The following PTPN11 variants were observed in gnomAD, a reference collection of about 807,000 sequenced individuals.
The protein encoded by PTPN11 is protein tyrosine phosphatase non-receptor type 11.
PTPN11 carries 6 observed loss-of-function variants against 78.8 expected under a neutral mutation model. The observed-to-expected ratio is 0.08, with a 90% confidence interval of 0.04 to 0.15. PTPN11 has a LOEUF of 0.15. Ranked by LOEUF, PTPN11 falls within the 10% of genes least tolerant of loss-of-function variation. The probability of loss-of-function intolerance (pLI) is 1.00; values close to 1 mark genes in which losing one functional copy is unlikely to be tolerated. For missense variants in PTPN11, 386 were observed against 744.8 expected, an observed-to-expected ratio of 0.52 and a Z score of 5.61; for synonymous variants, 221 against 263.5, an observed-to-expected ratio of 0.84 and a Z score of 1.56.
intron 7 of PTPN11, among the ~76,000 whole-genome samples, chr12:112,474,123 C>T (rs1326279121): frequency 3.3e-5 from 5 of 152,052 alleles, no homozygotes; most frequent in Non-Finnish European, 2.9e-5. Context: ...CCGAGGTGGG[C>T]GGATCACCTG....
rs1452395101 is a variant in PTPN11 at position 112,504,199 on chromosome 12, T to C, written c.1713-496T>C. Among the ~76,000 whole-genome samples the C allele has an allele frequency of 2.0e-5, 3 of 152,098 alleles. No individual in the cohort carries two copies. Among genetic ancestry groups the C allele is most frequent in the Non-Finnish European group, 2.9e-5 (2 of 67,984 alleles). On this transcript the variant is annotated intron_variant, in intron 14 of 15. Coordinates refer to ENST00000351677, the MANE Select transcript of PTPN11 (RefSeq NM_002834.5). This position sits in a 1 kb window ranked among gnomAD's most constrained non-coding sequence, Gnocchi z 4.7. ...CCAGGACTTGAGGCTTTTATTGCACTTCTGTTGTTTTTTTGAGATGGAGTC... is the reference window on the plus strand; with the variant it reads ...CCAGGACTTGAGGCTTTTATTGCACCTCTGTTGTTTTTTTGAGATGGAGTC...
chr12:112,467,486 G>A (rs576878054), intron 6 of PTPN11, among the ~76,000 whole-genome samples: 16 of 152,096 alleles, frequency 1.1e-4, no homozygotes, highest in East Asian at 7.7e-4. Flanking sequence ...TGGGAGCCAC[G>A]CTCTTTTTTT....
chr12:112,445,116 G>C (rs1453944769), intron 1 of PTPN11, among the ~76,000 whole-genome samples: 6 of 151,852 alleles, frequency 4.0e-5, no homozygotes, highest in Non-Finnish European at 8.8e-5. Flanking sequence ...CACATACCCC[G>C]AAGCATGTAT....
chr12:112,473,437 G>T (rs1341172712), intron 7 of PTPN11, among the ~76,000 whole-genome samples: 1 of 152,102 alleles, frequency 6.6e-6, no homozygotes, highest in Non-Finnish European at 1.5e-5. Context: ...CTGGGACTCA[G>T]TTCCCTTAAG....
intron 2 of PTPN11, among the ~76,000 whole-genome samples, chr12:112,447,217 T>A (rs993499052): frequency 6.6e-6 from 1 of 152,136 alleles, no homozygotes; most frequent in Non-Finnish European, 1.5e-5. Flanking sequence ...TTTCTTCAGA[T>A]CACTTTCCTT....
At position 112,504,572 on chromosome 12, in the gene PTPN11, G is replaced by A; in HGVS notation, c.1713-123G>A. 9.4e-6 allele frequency: 7 copies of A among 742,548 alleles called. No homozygotes were observed. Among genetic ancestry groups the A allele is most frequent in the Non-Finnish European group, 1.4e-5 (6 of 419,724 alleles). The allele number at this position is 742,548 out of a possible 1,614,324, so 46.0% of individuals were successfully genotyped here. Reference sequence around the variant, plus strand: ...CTGGGAATGTCAGGTCCTAGGCACAGGAACTGTGTCTGTACCATATCTGGT... The same window carrying A: ...CTGGGAATGTCAGGTCCTAGGCACAAGAACTGTGTCTGTACCATATCTGGT... On this transcript the variant is annotated intron_variant, in intron 14 of 15. Transcript: ENST00000351677. This position sits in a 1 kb window ranked among gnomAD's most constrained non-coding sequence, Gnocchi z 4.7.
intron 1 of PTPN11, among the ~76,000 whole-genome samples, chr12:112,429,197 C>T (rs532276483): frequency 6.7e-4 from 102 of 152,242 alleles, no homozygotes; most frequent in African/African-American, 2.4e-3. Flanking sequence ...CCTGCATAAC[C>T]TCCACCAATA....
chr12:112,493,572 A>G (rs1352590337), intron 13 of PTPN11, among the ~76,000 whole-genome samples: 1 of 151,748 alleles, frequency 6.6e-6, no homozygotes, highest in Non-Finnish European at 1.5e-5. Context: ...TATTTTTAGT[A>G]GAGATGGGGG....
At chr12:112,480,084 C>T (rs544728732) in intron 9 of PTPN11, among the ~76,000 whole-genome samples, 31 of 152,232 alleles carry the variant, frequency 2.0e-4, no homozygotes, top group Middle Eastern at 3.4e-3. Context: ...AAGGTTTCCA[C>T]GGGAGTTTAG....
intron 1 of PTPN11, among the ~76,000 whole-genome samples, chr12:112,424,867 T>TTGTGTGTGTG (rs567490227): frequency 3.0e-5 from 4 of 135,168 alleles, no homozygotes; most frequent in Admixed American, 8.1e-5. Flanking sequence ...GTCAGGCTAA[T>TTGTGTGTGTG]TGTGTGTGTG....
Position 112,446,520 on chromosome 12 carries a change from G to A in PTPN11, c.137+122G>A. 3 of 1,431,882 alleles carry A rather than the reference G, an allele frequency of 2.1e-6. No individual in the cohort carries two copies. In the East Asian group the frequency reaches 6.9e-5, roughly 33 times the overall value. 88.7% of individuals were successfully genotyped at this position (1,431,882 alleles called of 1,614,324 possible). On this transcript the variant is annotated intron_variant, in intron 2 of 15. Coordinates refer to ENST00000351677, the MANE Select transcript of PTPN11 (RefSeq NM_002834.5). ...GAAGGCCTTATCTGAGCCCTGGGCT[G>A]CCTTCAGGGTTTGGGGAGTGGCCTC...
chr12:112,485,861 A>G (rs1034300328), intron 10 of PTPN11, among the ~76,000 whole-genome samples: 2 of 151,962 alleles, frequency 1.3e-5, no homozygotes, highest in Non-Finnish European at 2.9e-5. Flanking sequence ...TGTGCCTGTA[A>G]TCCCAGCTAC....
At chr12:112,498,327 G>A (rs1289166679) in intron 13 of PTPN11, among the ~76,000 whole-genome samples, 4 of 152,088 alleles carry the variant, frequency 2.6e-5, no homozygotes, top group Non-Finnish European at 4.4e-5. Flanking sequence ...AGCACAGAGC[G>A]AAGTAAAACC....
chr12:112,502,018 C>A, intron 13 of PTPN11, 126 bp from the exon 14 acceptor site: 2 of 732,988 alleles, frequency 2.7e-6, no homozygotes, highest in Non-Finnish European at 4.9e-6. Flanking sequence ...TCAGTATTCT[C>A]AACCCGTCTA....
intron 6 of PTPN11, among the ~76,000 whole-genome samples, chr12:112,469,568 G>A (rs1319945128): frequency 1.3e-5 from 2 of 151,884 alleles, no homozygotes; most frequent in East Asian, 3.9e-4. Flanking sequence ...AGGCTGGAGT[G>A]CAGTGACACA....
At chr12:112,491,777 T>G (rs2038747516) in intron 13 of PTPN11, among the ~76,000 whole-genome samples, 1 of 152,202 alleles carries the variant, frequency 6.6e-6, no homozygotes, top group Non-Finnish European at 1.5e-5. Flanking sequence ...CAATTATGGC[T>G]CACGGCAGCC....
intron 3 of PTPN11, 79 bp from the exon 4 acceptor site, chr12:112,453,116 C>T: frequency 1.7e-6 from 2 of 1,207,094 alleles, no homozygotes; most frequent in Non-Finnish European, 2.4e-6. Flanking sequence ...GGAGAGCTGA[C>T]TGTATACAGT....
At chr12:112,472,892 T>G in intron 6 of PTPN11, 52 bp from the exon 7 acceptor site, 1 of 1,418,526 alleles carries the variant, frequency 7.0e-7, no homozygotes, top group East Asian at 2.3e-5. Context: ...GGCTTTTTTC[T>G]TTTTCTGTGA....
chr12:112,477,174 G>T (rs1016997745), intron 7 of PTPN11, among the ~76,000 whole-genome samples: 1 of 152,034 alleles, frequency 6.6e-6, no homozygotes, highest in African/African-American at 2.4e-5. Context: ...GGACCAACAT[G>T]CCTGGCTAAT....
Sources: gnomAD v4.1 joint callset for allele counts (sites outside exome capture counted in the v4.1 genomes callset) on GRCh38, gnomAD v4.1.1 for gene constraint, Gnocchi (gnomAD v3.1) non-coding constraint, MANE v1.5 for transcripts, NCBI Gene and HGNC (gene_info 2026-07-23, HGNC 2026-07-21) for gene names.